The following KIAA1328 variants were observed in gnomAD, a reference collection of about 807,000 sequenced individuals.
The protein encoded by KIAA1328 is protein hinderin.
Under a neutral mutation model 68.1 loss-of-function variants are expected in KIAA1328, and 52 were observed. That is an observed-to-expected ratio of 0.76 (90% confidence interval 0.61 to 0.96). KIAA1328 has a LOEUF of 0.96. Among genes scored for constraint, KIAA1328 ranks in the 40% least tolerant of loss-of-function variants. The probability of loss-of-function intolerance (pLI) is 0.00; values close to 1 mark genes in which losing one functional copy is unlikely to be tolerated. For synonymous variants in KIAA1328, 232 were observed against 239.4 expected (o/e 0.97, Z 0.28); for missense variants, 641 against 677.6 (o/e 0.95, Z 0.60).
intron 6 of KIAA1328, among the ~76,000 whole-genome samples, chr18:37,030,485 A>G (rs1421473049): frequency 6.6e-6 from 1 of 152,032 alleles, no homozygotes; most frequent in Non-Finnish European, 1.5e-5. Flanking sequence ...TGTATTTCTA[A>G]TTTAATTCCC....
chr18:37,127,404 G>C (rs915627165), intron 7 of KIAA1328, among the ~76,000 whole-genome samples: 1 of 152,014 alleles, frequency 6.6e-6, no homozygotes, highest in Non-Finnish European at 1.5e-5. Flanking sequence ...TTAAAAATCA[G>C]TGCTGAGGTG....
At chr18:36,926,070 A>ATG (rs1430968632) in intron 5 of KIAA1328, among the ~76,000 whole-genome samples, 1 of 151,872 alleles carries the variant, frequency 6.6e-6, no homozygotes, top group African/African-American at 2.4e-5. Context: ...TCTTCTGAGA[A>ATG]TGGGGCTTTA....
intron 9 of KIAA1328, among the ~76,000 whole-genome samples, chr18:37,176,739 C>T (rs1198104958): frequency 6.6e-6 from 1 of 152,210 alleles, no homozygotes. Context: ...ACCTTTCCTA[C>T]CAAATGAATG....
intron 5 of KIAA1328, among the ~76,000 whole-genome samples, chr18:36,911,560 C>A (rs1404380860): frequency 6.6e-6 from 1 of 152,112 alleles, no homozygotes; most frequent in Non-Finnish European, 1.5e-5. Context: ...CTTTTTTAAA[C>A]TACTTTACTT....
chr18:36,922,151 T>C (rs1431123336), intron 5 of KIAA1328, among the ~76,000 whole-genome samples: 1 of 152,160 alleles, frequency 6.6e-6, no homozygotes, highest in Non-Finnish European at 1.5e-5. Flanking sequence ...ACCTAGATTT[T>C]AGCAGGATAG....
intron 1 of KIAA1328, among the ~76,000 whole-genome samples, chr18:36,830,684 A>C (rs977575923): frequency 6.6e-6 from 1 of 152,166 alleles, no homozygotes; most frequent in Non-Finnish European, 1.5e-5. Context: ...TCACTTACTC[A>C]TGTAGTTATA....
rs1422737398 is a variant in KIAA1328, at chr18:36,829,152, CG to C, written c.17del (p.Gly6AlafsTer22). The C allele has an allele frequency of 1.2e-5, 18 of 1,533,404 alleles. No homozygotes were observed. Among genetic ancestry groups the C allele is most frequent in the Non-Finnish European group, 1.6e-5 (18 of 1,142,118 alleles). The allele number at this position is 1,533,404 out of a possible 1,614,324, so 95.0% of individuals were successfully genotyped here. On this transcript the variant is annotated frameshift_variant, in exon 1 of 10. Coordinates refer to ENST00000280020, the MANE Select transcript of KIAA1328 (RefSeq NM_020776.3). LOFTEE classifies it high-confidence loss of function. Reference sequence around the variant, plus strand: ...GGTTGTTTCAAGATGGCGGACGTGGCGGGCCCCTCCCGCCCCAGTGCCGCGG... The same window carrying C: ...GGTTGTTTCAAGATGGCGGACGTGGCGGCCCCTCCCGCCCCAGTGCCGCGG... MADVAGPSRPSAAAF... is the reference protein window; with the variant it reads MADVXGPSRPSAAAF...
intron 7 of KIAA1328, chr18:37,074,668 A>G (rs1215125398): frequency 6.6e-6 from 1 of 152,648 alleles, no homozygotes; most frequent in Non-Finnish European, 1.5e-5. Context: ...ACGTCTCTGT[A>G]TTGGTTATTC....
intron 9 of KIAA1328, among the ~76,000 whole-genome samples, chr18:37,191,257 T>G (rs2059899826): frequency 6.6e-6 from 1 of 152,188 alleles, no homozygotes; most frequent in Non-Finnish European, 1.5e-5. Context: ...AAATTTAACT[T>G]CTTTTATACA....
chr18:37,194,814 C>T (rs1193607605), intron 9 of KIAA1328, among the ~76,000 whole-genome samples: 7 of 152,108 alleles, frequency 4.6e-5, no homozygotes, highest in Admixed American at 4.6e-4. Flanking sequence ...GTGTGCACCA[C>T]CACGCCCAGC....
At chr18:36,954,586 C>T (rs1404576715) in intron 5 of KIAA1328, 1 of 151,858 alleles carries the variant, frequency 6.6e-6, no homozygotes, top group Non-Finnish European at 1.5e-5. Flanking sequence ...TGATCTTTGC[C>T]TGAATTAGTT....
At chr18:36,902,255 T>C (rs963184490) in intron 5 of KIAA1328, 5 of 152,024 alleles carry the variant, frequency 3.3e-5, no homozygotes, top group African/African-American at 1.2e-4. Context: ...CAACAATTTT[T>C]TTTTGCTGGA....
At chr18:36,862,756 A>G (rs1343290914) in intron 4 of KIAA1328, among the ~76,000 whole-genome samples, 1 of 152,156 alleles carries the variant, frequency 6.6e-6, no homozygotes, top group East Asian at 1.9e-4. Flanking sequence ...ACTATTTTCC[A>G]GAATTTTTGC....
intron 9 of KIAA1328, among the ~76,000 whole-genome samples, chr18:37,217,210 T>C (rs1029044439): frequency 6.6e-6 from 1 of 152,098 alleles, no homozygotes; most frequent in Non-Finnish European, 1.5e-5. Context: ...ATCCTGTCAT[T>C]ATGATGTTAG....
At chr18:36,872,283 A>G (rs2047972810) in intron 4 of KIAA1328, among the ~76,000 whole-genome samples, 2 of 152,282 alleles carry the variant, frequency 1.3e-5, no homozygotes, top group African/African-American at 4.8e-5. Context: ...CCCTAGGCAT[A>G]TGAGTCTGAT....
At chr18:37,029,582 G>A (rs2151574216) in intron 6 of KIAA1328, among the ~76,000 whole-genome samples, 1 of 152,182 alleles carries the variant, frequency 6.6e-6, no homozygotes, top group African/African-American at 2.4e-5. Context: ...CCAGGTACGT[G>A]TCAAGTTTTT....
chr18:37,067,690 G>A, intron 7 of KIAA1328, 145 bp downstream of exon 7: 1 of 869,936 alleles, frequency 1.1e-6, no homozygotes, highest in Non-Finnish European at 1.7e-6. Context: ...CTCCCGAGTA[G>A]CTGGGATTAC....
chr18:36,922,363 C>T (rs184905110), intron 5 of KIAA1328, among the ~76,000 whole-genome samples: 9 of 152,304 alleles, frequency 5.9e-5, no homozygotes, highest in African/African-American at 2.2e-4. Context: ...CCAATACCAT[C>T]TCTCAGTTGG....
At chr18:37,030,855 C>T (rs1246037621) in intron 6 of KIAA1328, among the ~76,000 whole-genome samples, 1 of 151,936 alleles carries the variant, frequency 6.6e-6, no homozygotes, top group African/African-American at 2.4e-5. Flanking sequence ...CCGACAGGCC[C>T]CAGTGTGTGA....
Sources: gnomAD v4.1 joint callset for allele counts (sites outside exome capture counted in the v4.1 genomes callset) on GRCh38, gnomAD v4.1.1 for gene constraint, MANE v1.5 for transcripts, NCBI Gene and HGNC (gene_info 2026-07-23, HGNC 2026-07-21) for gene names.